Variants in PRKG1 observed in about 807,000 individuals in gnomAD.
PRKG1 encodes protein kinase cGMP-dependent 1.
In PRKG1, 35 loss-of-function variants were observed where a neutral mutation model predicts 88.1. That is an observed-to-expected ratio of 0.40 (90% CI 0.30 to 0.53). The LOEUF is 0.53. Ranked by LOEUF, PRKG1 falls within the 20% of genes least tolerant of loss-of-function variation. The pLI is 0.59. For missense variants in PRKG1, 540 were observed against 839.8 expected, an observed-to-expected ratio of 0.64 and a Z score of 4.41; for synonymous variants, 303 against 292.5, an observed-to-expected ratio of 1.04 and a Z score of -0.37.
intron 2 of PRKG1, among the ~76,000 whole-genome samples, chr10:51,428,260 T>C (rs1200773601): frequency 6.6e-6 from 1 of 152,194 alleles, no homozygotes; most frequent in Non-Finnish European, 1.5e-5. Context: ...ACTGAGGTAA[T>C]TTAGGAATAT....
At chr10:52,204,287 T>C (rs1213843153) in intron 9 of PRKG1, among the ~76,000 whole-genome samples, 3 of 151,940 alleles carry the variant, frequency 2.0e-5, no homozygotes, top group Non-Finnish European at 2.9e-5. Flanking sequence ...GTAGAGACCA[T>C]GTTGGCCAGG....
chr10:52,243,420 C>A (rs1840918710), intron 9 of PRKG1, among the ~76,000 whole-genome samples: 1 of 151,988 alleles, frequency 6.6e-6, no homozygotes, highest in African/African-American at 2.4e-5. Context: ...CATTTAACAT[C>A]TCCAGATTAG....
chr10:51,688,889 C>T (rs1204564707), intron 3 of PRKG1, among the ~76,000 whole-genome samples: 1 of 152,120 alleles, frequency 6.6e-6, no homozygotes, highest in East Asian at 1.9e-4. Context: ...CTTGTAGCTC[C>T]CATAATTCCC....
intron 3 of PRKG1, among the ~76,000 whole-genome samples, chr10:51,671,788 G>A (rs765088331): frequency 2.0e-5 from 3 of 152,002 alleles, no homozygotes; most frequent in African/African-American, 7.2e-5. Context: ...GGGTTTCACT[G>A]TGTTAGCCAG....
chr10:52,239,761 T>G (rs1002808112), intron 9 of PRKG1, among the ~76,000 whole-genome samples: 2 of 152,184 alleles, frequency 1.3e-5, no homozygotes, highest in African/African-American at 4.8e-5. Flanking sequence ...TGATTGTGGT[T>G]TTTTTCCCAA....
rs569539414 is a variant in PRKG1 at position 51,154,938 on chromosome 10, A to G, written c.478+1608A>G. On this transcript the variant is annotated intron_variant, in intron 2 of 17. Transcript: ENST00000373980. ...GGTCAAGTATAGAATATAAAGATAG[A>G]GGCAATATCTTAAGAACTACTAACA... 5.9e-5 allele frequency among the ~76,000 whole-genome samples: 9 copies of G among 152,172 alleles called. No individual in the cohort carries two copies. The East Asian group carries it at 1.7e-3, about 29-fold the overall frequency.
upstream of PRKG1, chr10:51,074,383 C>G: frequency 3.8e-6 from 5 of 1,331,166 alleles, no homozygotes; most frequent in Non-Finnish European, 5.0e-6. Flanking sequence ...CACAGCCAGC[C>G]CAGAGAAGTG....
intron 1 of PRKG1, among the ~76,000 whole-genome samples, chr10:51,046,634 G>T (rs996657767): frequency 1.3e-5 from 2 of 152,188 alleles, no homozygotes; most frequent in Admixed American, 6.5e-5. Context: ...CTTCTGCAAG[G>T]TTCACTACAC....
chr10:52,263,291 C>A (rs1841479338), intron 10 of PRKG1, among the ~76,000 whole-genome samples: 2 of 151,966 alleles, frequency 1.3e-5, no homozygotes, highest in Admixed American at 6.6e-5. Flanking sequence ...ACATTTTTGA[C>A]ATTAAATTCT....
intron 1 of PRKG1, among the ~76,000 whole-genome samples, chr10:51,026,959 G>C (rs188689783): frequency 6.6e-6 from 1 of 152,314 alleles, no homozygotes; most frequent in South Asian, 2.1e-4. Context: ...CACTAAAGCA[G>C]GGCTGGACCT....
intron 17 of PRKG1, among the ~76,000 whole-genome samples, chr10:52,291,254 A>ATT (rs56884749): frequency 6.6e-6 from 1 of 150,482 alleles, no homozygotes; most frequent in Non-Finnish European, 1.5e-5. Context: ...TTATTTTTTT[A>ATT]TTTTTTTATT....
chr10:51,303,698 TATTGCATTTTTCTAAC>T (rs1840954451), intron 2 of PRKG1, among the ~76,000 whole-genome samples: 1 of 152,132 alleles, frequency 6.6e-6, no homozygotes, highest in South Asian at 2.1e-4. Context: ...TCTCCAGTGT[TATTGCATTTTTCTAAC>T]AGAAAAACTA....
chr10:51,333,650 T>C (rs1483212212), intron 2 of PRKG1, among the ~76,000 whole-genome samples: 1 of 152,188 alleles, frequency 6.6e-6, no homozygotes, highest in Admixed American at 6.5e-5. Context: ...TTTCAAATAT[T>C]TTTTCTGGGT....
chr10:51,830,490 T>C (rs1839975568), intron 4 of PRKG1, among the ~76,000 whole-genome samples: 1 of 152,010 alleles, frequency 6.6e-6, no homozygotes, highest in Admixed American at 6.6e-5. Flanking sequence ...TTTCTAGTCC[T>C]ATTGCAATAT....
chr10:52,184,033 T>C (rs1414724550), intron 9 of PRKG1, among the ~76,000 whole-genome samples: 1 of 152,190 alleles, frequency 6.6e-6, no homozygotes, highest in African/African-American at 2.4e-5. Flanking sequence ...CTCCTGGGCT[T>C]CCAGTCACCA....
chr10:52,170,539 A>G (rs1589669557), intron 9 of PRKG1, among the ~76,000 whole-genome samples: 1 of 152,136 alleles, frequency 6.6e-6, no homozygotes, highest in South Asian at 2.1e-4. Context: ...AAAAAGAAGT[A>G]CCACAATCAC....
At chr10:52,196,098 C>T (rs1429278678) in intron 9 of PRKG1, among the ~76,000 whole-genome samples, 3 of 152,078 alleles carry the variant, frequency 2.0e-5, no homozygotes, top group Admixed American at 6.6e-5. Context: ...CTGCAAGCTC[C>T]GCCTCCTGGG....
chr10:51,702,414 C>T (rs1193633034), intron 3 of PRKG1, among the ~76,000 whole-genome samples: 1 of 152,114 alleles, frequency 6.6e-6, no homozygotes, highest in African/African-American at 2.4e-5. Flanking sequence ...ATGTATATTT[C>T]CTGGTACCAG....
In PRKG1 at chr10:51,166,584, T is replaced by C. The variant is rs146280636; in HGVS notation, c.478+13254T>C. ...CTATCCTCTTCAAAGAAAATTAAGA[T>C]GCCTTTTATGGAAAGTCTTGAAATT... is the stretch of plus-strand genomic sequence containing the variant. On this transcript the variant is annotated intron_variant, in intron 2 of 17. Transcript: ENST00000373980. Among the ~76,000 whole-genome samples, 170 of 152,340 alleles carry C rather than the reference T, an allele frequency of 1.1e-3. 1 individual carries two copies. The highest frequency in any genetic ancestry group is 5.0e-3 in the East Asian group (26 of 5,192).
Sources: allele counts gnomAD v4.1 joint callset (sites outside exome capture counted in the v4.1 genomes callset), GRCh38; gene constraint gnomAD v4.1.1; transcripts MANE v1.5; gene names NCBI Gene and HGNC (gene_info 2026-07-23, HGNC 2026-07-21).